Variants in TTC28 observed in about 807,000 individuals in gnomAD.
The protein encoded by TTC28 is tetratricopeptide repeat domain 28.
In TTC28, 61 loss-of-function variants were observed where a neutral mutation model predicts 198.0. That is an observed-to-expected ratio of 0.31 (90% CI 0.25 to 0.38). The LOEUF (loss-of-function observed/expected upper bound fraction) is 0.38, where lower values mean the gene tolerates loss of function less well. Among genes scored for constraint, TTC28 ranks in the 10% least tolerant of loss-of-function variants. The probability of loss-of-function intolerance (pLI) is 1.00; values close to 1 mark genes in which losing one functional copy is unlikely to be tolerated. For missense variants in TTC28, 2,678 were observed against 3,164.0 expected (o/e 0.85, Z 3.69); for synonymous variants, 1,171 against 1,297.8 (o/e 0.90, Z 2.10).
intron 12 of TTC28, among the ~76,000 whole-genome samples, chr22:28,042,305 C>T (rs1190129878): frequency 1.3e-5 from 2 of 148,472 alleles, no homozygotes; most frequent in Non-Finnish European, 2.9e-5. Flanking sequence ...GCACTATTCA[C>T]AGTAGCAAAA....
At chr22:28,288,786 C>T (rs1157185310) in intron 5 of TTC28, among the ~76,000 whole-genome samples, 1 of 148,500 alleles carries the variant, frequency 6.7e-6, no homozygotes. Context: ...GCACTACAGC[C>T]TGGGCGACAG....
intron 5 of TTC28, among the ~76,000 whole-genome samples, chr22:28,279,232 A>T: frequency 6.6e-6 from 1 of 152,170 alleles, no homozygotes; most frequent in East Asian, 1.9e-4. Context: ...TTTTTGATAC[A>T]ATTTAAAGTA....
At chr22:28,062,968 A>T (rs1278664455) in intron 12 of TTC28, among the ~76,000 whole-genome samples, 3 of 152,210 alleles carry the variant, frequency 2.0e-5, no homozygotes, top group Non-Finnish European at 2.9e-5. Context: ...ATAAATTTGC[A>T]GTGTAACCTG....
intron 2 of TTC28, among the ~76,000 whole-genome samples, chr22:28,449,563 T>C (rs1022862358): frequency 3.3e-5 from 5 of 152,238 alleles, no homozygotes; most frequent in African/African-American, 4.8e-5. Context: ...CAATGTATCA[T>C]GGCTAGAAAG....
intron 5 of TTC28, among the ~76,000 whole-genome samples, chr22:28,226,640 C>T (rs1220087700): frequency 2.0e-5 from 3 of 152,152 alleles, no homozygotes; most frequent in Non-Finnish European, 2.9e-5. Flanking sequence ...GTTGGCCAGG[C>T]TGGTTTTTAA....
intron 2 of TTC28, among the ~76,000 whole-genome samples, chr22:28,495,818 T>G (rs966913495): frequency 2.0e-5 from 3 of 152,120 alleles, no homozygotes. Context: ...CACAACTGGG[T>G]AGATTTGGAG....
chr22:28,166,867 C>T (rs112424605), intron 5 of TTC28, among the ~76,000 whole-genome samples: 2 of 151,946 alleles, frequency 1.3e-5, no homozygotes, highest in Non-Finnish European at 2.9e-5. Context: ...CCCTTCAAAA[C>T]ATCAATGAAT....
chr22:27,999,417 C>T, intron 15 of TTC28, 157 bp from the exon 16 acceptor site: 1 of 1,133,352 alleles, frequency 8.8e-7, no homozygotes, highest in Non-Finnish European at 1.2e-6. Flanking sequence ...TTTTCAACAT[C>T]TTTTTGACAC....
At chr22:28,054,744 A>T (rs1298878311) in intron 12 of TTC28, among the ~76,000 whole-genome samples, 1 of 152,070 alleles carries the variant, frequency 6.6e-6, no homozygotes, top group Admixed American at 6.6e-5. Flanking sequence ...GACAACCCAC[A>T]TCTTTCCCCA....
intron 12 of TTC28, among the ~76,000 whole-genome samples, chr22:28,068,161 A>AT (rs1459866422): frequency 6.6e-6 from 1 of 152,200 alleles, no homozygotes; most frequent in Non-Finnish European, 1.5e-5. Context: ...CAGAGCTCTA[A>AT]TAAGAGCTTA....
intron 10 of TTC28, among the ~76,000 whole-genome samples, chr22:28,097,990 G>T (rs1307319826): frequency 6.6e-6 from 1 of 152,146 alleles, no homozygotes; most frequent in African/African-American, 2.4e-5. Flanking sequence ...TATACATACA[G>T]CAAAAGACAG....
chr22:28,329,224 TATAC>T (rs1018677830), intron 2 of TTC28, among the ~76,000 whole-genome samples: 12 of 152,204 alleles, frequency 7.9e-5, no homozygotes, highest in African/African-American at 2.9e-4. Context: ...TGCATATATA[TATAC>T]ATACAGAGTA....
chr22:28,096,374 C>T lies in TTC28; in HGVS notation c.3582G>A (p.Arg1194=), dbSNP rs1242922079. The T allele has an allele frequency of 1.9e-6, 3 of 1,551,636 alleles. No homozygotes were observed. The highest frequency in any genetic ancestry group is 2.4e-5 in the East Asian group (1 of 40,928). ...GATCAGCAAATGCCCTTGTCCGTCC[C>T]CTTTCTGCCACAGCCAGGGCTTCAT... ...HHDEALAVAE[R]GRTRAFADLL... Residue 1194 remains arginine, a synonymous_variant, in exon 11 of 23, where the codon AGG becomes AGA. Coordinates refer to ENST00000397906, the MANE Select transcript of TTC28 (RefSeq NM_001145418.2).
chr22:28,505,685 T>C (rs2048601984), intron 2 of TTC28, among the ~76,000 whole-genome samples: 1 of 152,192 alleles, frequency 6.6e-6, no homozygotes, highest in African/African-American at 2.4e-5. Context: ...CCAGAAGTTT[T>C]ACCTACTTCA....
intron 2 of TTC28, among the ~76,000 whole-genome samples, chr22:28,371,302 G>A (rs538917282): frequency 6.6e-6 from 1 of 150,578 alleles, no homozygotes; most frequent in African/African-American, 2.4e-5. Flanking sequence ...CAGATCGCTT[G>A]AGCTCAGGAT....
rs972295711 is a variant in TTC28 at position 28,164,933 on chromosome 22, A to T, written c.934-1334T>A. On this transcript the variant is annotated intron_variant, in intron 5 of 22. Transcript: ENST00000397906. ...GCAAAGAAGTTAAAAACCTTGAAAAAAAACTAGACAAATGGCTAACTAGAA... is the reference window on the plus strand; with the variant it reads ...GCAAAGAAGTTAAAAACCTTGAAAATAAACTAGACAAATGGCTAACTAGAA... Among the ~76,000 whole-genome samples the T allele has an allele frequency of 5.3e-5, 8 of 152,356 alleles. 1 individual carries two copies. The South Asian group carries it at 1.4e-3, about 28-fold the overall frequency.
intron 12 of TTC28, chr22:28,056,191 A>G (rs1940281316): frequency 6.6e-6 from 1 of 152,000 alleles, no homozygotes; most frequent in South Asian, 2.1e-4. Flanking sequence ...GCTGGAGTGC[A>G]GTGGCTATTC....
intron 2 of TTC28, among the ~76,000 whole-genome samples, chr22:28,557,798 T>G (rs1325832100): frequency 6.6e-6 from 1 of 152,152 alleles, no homozygotes; most frequent in Non-Finnish European, 1.5e-5. Flanking sequence ...GAGAGAGAAT[T>G]TATATTTGCT....
intron 12 of TTC28, among the ~76,000 whole-genome samples, chr22:28,075,369 T>A (rs1941134159): frequency 2.0e-5 from 3 of 152,160 alleles, no homozygotes; most frequent in Admixed American, 1.3e-4. Flanking sequence ...CTCTAGTCCC[T>A]AATGTGGCAT....
Sources: allele counts gnomAD v4.1 joint callset (sites outside exome capture counted in the v4.1 genomes callset), GRCh38; gene constraint gnomAD v4.1.1; transcripts MANE v1.5; gene names NCBI Gene and HGNC (gene_info 2026-07-23, HGNC 2026-07-21).